LRMDA: variants seen among roughly 807,000 people sequenced by gnomAD.
LRMDA encodes the protein leucine rich melanocyte differentiation associated, also known as leucine-rich melanocyte differentiation-associated protein.
Under a neutral mutation model 29.8 loss-of-function variants are expected in LRMDA, and 18 were observed. That is an observed-to-expected ratio of 0.60 (90% CI 0.42 to 0.90). The LOEUF (loss-of-function observed/expected upper bound fraction) is 0.90, where lower values mean the gene tolerates loss of function less well. LRMDA is among the 40% of genes least tolerant of loss of function. LRMDA has a pLI of 0.00. For synonymous variants in LRMDA, 125 were observed against 109.4 expected (o/e 1.14, Z -0.89); for missense variants, 273 against 273.9 (o/e 1.00, Z 0.02).
chr10:75,537,991 C>G (rs1377977927), intron 2 of LRMDA, among the ~76,000 whole-genome samples: 3 of 152,188 alleles, frequency 2.0e-5, no homozygotes, highest in Non-Finnish European at 2.9e-5. Flanking sequence ...GTATGCTCTT[C>G]TCTCTGTCCT....
At chr10:75,642,563 T>C (rs1841467664) in intron 2 of LRMDA, 1 of 152,190 alleles carries the variant, frequency 6.6e-6, no homozygotes, top group African/African-American at 2.4e-5. Context: ...CACTGTAGGG[T>C]TAGCTCTTGG....
At chr10:75,902,256 C>T (rs937597685) in intron 2 of LRMDA, among the ~76,000 whole-genome samples, 4 of 152,142 alleles carry the variant, frequency 2.6e-5, no homozygotes, top group African/African-American at 4.8e-5. Context: ...TCATTGCAGG[C>T]GCTAGAAATG....
At chr10:75,687,601 G>A (rs1842098267) in intron 2 of LRMDA, among the ~76,000 whole-genome samples, 1 of 152,256 alleles carries the variant, frequency 6.6e-6, no homozygotes, top group Non-Finnish European at 1.5e-5. Context: ...AAGTGCTGAT[G>A]TAGAAGCTGC....
intron 6 of LRMDA, among the ~76,000 whole-genome samples, chr10:76,406,325 A>C (rs1841901321): frequency 6.6e-6 from 1 of 152,206 alleles, no homozygotes; most frequent in South Asian, 2.1e-4. Context: ...TAACATATCA[A>C]AGGCAGTAGG....
chr10:76,058,813 G>A (rs769921369), intron 5 of LRMDA, 30 bp downstream of exon 5: 2 of 1,529,008 alleles, frequency 1.3e-6, no homozygotes, highest in South Asian at 1.1e-5. Flanking sequence ...TTCTTCACAA[G>A]GGATTTACAT....
At chr10:76,387,546 C>T (rs537263086) in intron 6 of LRMDA, among the ~76,000 whole-genome samples, 11 of 150,430 alleles carry the variant, frequency 7.3e-5, no homozygotes, top group Non-Finnish European at 1.2e-4. Context: ...GAAGCTGCAG[C>T]GAGGTATGAT....
At chr10:75,667,448 G>C (rs79532660) in intron 2 of LRMDA, among the ~76,000 whole-genome samples, 4,630 of 152,212 alleles carry the variant, frequency 0.03, 250 homozygotes, top group African/African-American at 0.11. Flanking sequence ...ATAGGCCTGT[G>C]CCACAACACT....
intron 2 of LRMDA, among the ~76,000 whole-genome samples, chr10:75,459,032 A>C (rs1844554440): frequency 6.6e-6 from 1 of 151,678 alleles, no homozygotes; most frequent in Admixed American, 6.6e-5. Context: ...ACTTGTTAGA[A>C]CCTCTTTACA....
rs201454709 is a variant in LRMDA at position 75,780,225 on chromosome 10, T to C, written c.132-255783T>C. 2.0e-4 allele frequency among the ~76,000 whole-genome samples: 30 copies of C among 152,360 alleles called. No individual in the cohort carries two copies. The East Asian group carries it at 5.2e-3, about 26-fold the overall frequency. On this transcript the variant is annotated intron_variant, in intron 2 of 6. Transcript: ENST00000611255. The stretch of plus-strand genomic sequence containing the variant: ...CTGTTGTTTTAAGTCATTGCATTTA[T>C]TGTCATGGCTATAGTAGCTAGTATG...
chr10:75,659,134 T>C (rs1039160126), intron 2 of LRMDA, among the ~76,000 whole-genome samples: 13 of 152,202 alleles, frequency 8.5e-5, no homozygotes, highest in Non-Finnish European at 1.3e-4. Flanking sequence ...CGACACAAAG[T>C]GCACGTCTGC....
chr10:76,218,088 TG>T (rs1851761930), intron 5 of LRMDA, among the ~76,000 whole-genome samples: 1 of 152,210 alleles, frequency 6.6e-6, no homozygotes, highest in Non-Finnish European at 1.5e-5. Context: ...TCAGTGGCAA[TG>T]GCTTCTAGAG....
intron 2 of LRMDA, among the ~76,000 whole-genome samples, chr10:76,003,871 G>A (rs1025306903): frequency 1.3e-5 from 2 of 152,210 alleles, no homozygotes; most frequent in Admixed American, 6.5e-5. Context: ...TTAATCTTAT[G>A]TGGCTCATGG....
At chr10:76,112,727 A>AGAAC (rs1849602572) in intron 5 of LRMDA, among the ~76,000 whole-genome samples, 2 of 152,242 alleles carry the variant, frequency 1.3e-5, no homozygotes, top group Non-Finnish European at 2.9e-5. Flanking sequence ...TCTTAATGCC[A>AGAAC]GAACGCTGCC....
At chr10:75,809,768 C>T (rs967408259) in intron 2 of LRMDA, among the ~76,000 whole-genome samples, 8 of 152,236 alleles carry the variant, frequency 5.3e-5, no homozygotes, top group East Asian at 1.9e-4. Flanking sequence ...ACAGGTGGTG[C>T]GTGACACTGT....
At chr10:75,624,224 AGGAGAAAGACTAAG>A (rs1387204778) in intron 2 of LRMDA, among the ~76,000 whole-genome samples, 2 of 152,196 alleles carry the variant, frequency 1.3e-5, no homozygotes, top group Non-Finnish European at 1.5e-5. Context: ...TGACAGAATT[AGGAGAAAGACTAAG>A]GGAGGGGTCA....
chr10:75,783,168 C>A, intron 2 of LRMDA: 2 of 1,083,568 alleles, frequency 1.8e-6, no homozygotes, highest in Non-Finnish European at 1.3e-6. Flanking sequence ...TTAACATTGT[C>A]AGTGAAGAGT....
chr10:76,344,344 C>G (rs1204186226), intron 6 of LRMDA, among the ~76,000 whole-genome samples: 1 of 151,800 alleles, frequency 6.6e-6, no homozygotes, highest in Admixed American at 6.6e-5. Flanking sequence ...TATACAATAT[C>G]TCCAAGAAAA....
intron 2 of LRMDA, among the ~76,000 whole-genome samples, chr10:75,558,923 G>A (rs1213992450): frequency 6.8e-6 from 1 of 146,374 alleles, no homozygotes; most frequent in Non-Finnish European, 1.5e-5. Context: ...TCTTAATCCA[G>A]TCTATCATTG....
At chr10:76,412,642 G>T (rs1015467918) in intron 6 of LRMDA, among the ~76,000 whole-genome samples, 1 of 152,176 alleles carries the variant, frequency 6.6e-6, no homozygotes, top group African/African-American at 2.4e-5. Context: ...GAAAGATACA[G>T]GGGAATTGAA....
Sources: allele counts gnomAD v4.1 joint callset (sites outside exome capture counted in the v4.1 genomes callset), GRCh38; gene constraint gnomAD v4.1.1; transcripts MANE v1.5; gene names NCBI Gene and HGNC (gene_info 2026-07-23, HGNC 2026-07-21).